Variants in S100A8 observed in about 807,000 individuals in gnomAD.
S100A8 encodes the protein S100 calcium binding protein A8, also known as protein S100-A8.
Under a neutral mutation model 4.2 loss-of-function variants are expected in S100A8, and 1 was observed. That is an observed-to-expected ratio of 0.24 (90% CI 0.08 to 1.12). S100A8 has a LOEUF of 1.12. Ranked by LOEUF, S100A8 falls within the 50% of genes most tolerant of loss-of-function variation. The pLI, the probability that S100A8 is intolerant of heterozygous loss-of-function variation, is 0.53. For synonymous variants in S100A8, 41 were observed against 44.7 expected (o/e 0.92, Z 0.33); for missense variants, 96 against 111.8 (o/e 0.86, Z 0.64).
At chr1:153,408,772 G>A in the S100A8 span, among the ~76,000 whole-genome samples, 7 of 152,210 alleles carry the variant, frequency 4.6e-5, no homozygotes. Flanking sequence ...CACTAACAGA[G>A]GATCTCTTGG....
chr1:153,415,060 G>T, the S100A8 span, among the ~76,000 whole-genome samples: 3 of 152,066 alleles, frequency 2.0e-5, no homozygotes, highest in East Asian at 5.8e-4. Flanking sequence ...TTTCACTTAA[G>T]ATAATAGCCT....
the S100A8 span, among the ~76,000 whole-genome samples, chr1:153,408,482 A>T: frequency 6.6e-6 from 1 of 152,366 alleles, no homozygotes; most frequent in Non-Finnish European, 1.5e-5. Context: ...CTATGTGAAA[A>T]GACCAAATCT....
chr1:153,419,592 G>T, the S100A8 span: 2 of 420,638 alleles, frequency 4.8e-6, no homozygotes, highest in Non-Finnish European at 8.5e-6. Flanking sequence ...AGCCACCTTG[G>T]CAGGTTCCAG....
chr1:153,394,733 C>A (rs185036946), upstream of S100A8, among the ~76,000 whole-genome samples: 1,307 of 152,234 alleles, frequency 8.6e-3, 10 homozygotes, highest in Middle Eastern at 0.065. Context: ...GCAAATTCTG[C>A]CCCAGAGCCT....
the S100A8 span, among the ~76,000 whole-genome samples, chr1:153,407,631 G>C: frequency 2.0e-5 from 3 of 152,172 alleles, no homozygotes; most frequent in Non-Finnish European, 4.4e-5. Flanking sequence ...GGTTCTCCAA[G>C]CACGGAGTTT....
the S100A8 span, among the ~76,000 whole-genome samples, chr1:153,401,336 G>A: frequency 6.6e-6 from 1 of 152,238 alleles, no homozygotes; most frequent in Non-Finnish European, 1.5e-5. Flanking sequence ...GCTAGGTGCT[G>A]TGGAGAAAGG....
the S100A8 span, among the ~76,000 whole-genome samples, chr1:153,412,270 C>T: frequency 6.6e-6 from 1 of 152,116 alleles, no homozygotes; most frequent in African/African-American, 2.4e-5. Flanking sequence ...CTACAATGAA[C>T]TCAAACAAAT....
chr1:153,418,938 T>A, the S100A8 span, among the ~76,000 whole-genome samples: 1 of 152,212 alleles, frequency 6.6e-6, no homozygotes, highest in Non-Finnish European at 1.5e-5. Context: ...TCCTGAGGTG[T>A]GAGACAAAAA....
At chr1:153,409,715 C>G in the S100A8 span, among the ~76,000 whole-genome samples, 5 of 152,186 alleles carry the variant, frequency 3.3e-5, no homozygotes, top group African/African-American at 1.2e-4. Flanking sequence ...CCAAAAATTA[C>G]CACATAGTTG....
chr1:153,420,380 A>G, the S100A8 span: 1 of 152,214 alleles, frequency 6.6e-6, no homozygotes, highest in Non-Finnish European at 1.5e-5. Flanking sequence ...AGCCGCTCTT[A>G]GTATTCTTCC....
the S100A8 span, among the ~76,000 whole-genome samples, chr1:153,417,072 G>A: frequency 6.6e-6 from 1 of 152,268 alleles, no homozygotes; most frequent in Non-Finnish European, 1.5e-5. Context: ...AGCTTTGAGT[G>A]GCTTCTCTTA....
the S100A8 span, chr1:153,420,940 T>C: frequency 0.013 from 1,909 of 152,626 alleles, 40 homozygotes; most frequent in African/African-American, 0.043. Context: ...CCCAGAACCA[T>C]CTTCCCCTGT....
the S100A8 span, among the ~76,000 whole-genome samples, chr1:153,399,757 G>A: frequency 1.3e-5 from 2 of 152,142 alleles, no homozygotes; most frequent in East Asian, 3.8e-4. Context: ...GGGAGTTGGG[G>A]GGGACTTCCT....
chr1:153,408,067 C>T, the S100A8 span, among the ~76,000 whole-genome samples: 1 of 152,186 alleles, frequency 6.6e-6, no homozygotes, highest in Admixed American at 6.5e-5. Flanking sequence ...CACCTCTTCT[C>T]CTCCAAAGGA....
chr1:153,418,345 T>G, the S100A8 span: 113 of 1,225,180 alleles, frequency 9.2e-5, no homozygotes, highest in Non-Finnish European at 1.2e-4. Flanking sequence ...CATTTGCAAA[T>G]AGGGCTTTAT....
chr1:153,397,489 G>A, the S100A8 span, among the ~76,000 whole-genome samples: 4 of 152,298 alleles, frequency 2.6e-5, no homozygotes, highest in African/African-American at 9.6e-5. Context: ...GGGGATGGTA[G>A]GGGAGAGGAA....
At position 153,390,239 on chromosome 1, in the gene S100A8, T is replaced by A; in HGVS notation, c.146A>T (p.Lys49Met). 1 of 1,606,996 alleles carries A rather than the reference T, an allele frequency of 6.2e-7. No individual in the cohort carries two copies. Reference sequence around the variant, plus strand: ...CTCTTTGAACCAGACGTCTGCACCCTTTTTCTGTCAAGATTGAGGAGGAAG... The same window carrying A: ...CTCTTTGAACCAGACGTCTGCACCCATTTTCTGTCAAGATTGAGGAGGAAG... ...ETECPQYIRK[K>M]GADVWFKELD... Residue 49 changes from lysine (K) to methionine (M), a missense_variant, in exon 3 of 3, where the codon AAG becomes ATG. Lys to Met is a moderately conservative substitution (Grantham distance 95). Coordinates refer to ENST00000368733, the MANE Select transcript of S100A8 (RefSeq NM_002964.5).
the S100A8 span, chr1:153,420,435 C>T: frequency 6.6e-6 from 1 of 152,238 alleles, no homozygotes; most frequent in Non-Finnish European, 1.5e-5. Flanking sequence ...CTACTCTGGT[C>T]AGTCTCCAGC....
At chr1:153,390,682 C>G in intron 1 of S100A8, 125 bp from the exon 2 acceptor site, 2 of 1,194,726 alleles carry the variant, frequency 1.7e-6, no homozygotes, top group South Asian at 1.4e-5. Context: ...AATAACCAAA[C>G]CAGCAGATGG....
Sources: gnomAD v4.1 joint callset for allele counts (sites outside exome capture counted in the v4.1 genomes callset) on GRCh38, gnomAD v4.1.1 for gene constraint, MANE v1.5 for transcripts, NCBI Gene and HGNC (gene_info 2026-07-23, HGNC 2026-07-21) for gene names.